KIF3A: variants seen among roughly 807,000 people sequenced by gnomAD.
The protein encoded by KIF3A is kinesin family member 3A.
Under a neutral mutation model 92.6 loss-of-function variants are expected in KIF3A, and 27 were observed. That is an observed-to-expected ratio of 0.29 (90% CI 0.21 to 0.40). KIF3A has a LOEUF of 0.40. Ranked by LOEUF, KIF3A falls within the 10% of genes least tolerant of loss-of-function variation. The pLI, the probability that KIF3A is intolerant of heterozygous loss-of-function variation, is 1.00. For synonymous variants in KIF3A, 250 were observed against 275.4 expected, an observed-to-expected ratio of 0.91 and a Z score of 0.92; for missense variants, 581 against 872.6, an observed-to-expected ratio of 0.67 and a Z score of 4.21.
chr5:132,734,213 C>G lies in KIF3A; in HGVS notation c.272G>C (p.Gly91Ala). 6.2e-7 allele frequency: 1 copy of G among 1,610,200 alleles called. No homozygotes were observed. The highest frequency in any genetic ancestry group is 8.5e-7 in the Non-Finnish European group (1 of 1,178,174). Residue 91 changes from glycine to alanine, a missense_variant, in exon 2 of 19, where the codon GGC (glycine) becomes GCC (alanine). Around this residue, in one of 5 missense-constraint regions of KIF3A, gnomAD observed 217 missense variants for 299.7 expected, o/e 0.72. Coordinates refer to ENST00000403231, the MANE Select transcript of KIF3A (RefSeq NM_001300791.2). ...AGTAAAGATTCACTTACCATTGTAGCCTTCAAGTACAGAATCAATAATAGG... is the reference window on the plus strand; with the variant it reads ...AGTAAAGATTCACTTACCATTGTAGGCTTCAAGTACAGAATCAATAATAGG... ...ARPIIDSVLEGYNGTIFAYGQ... is the reference protein window; with the variant it reads ...ARPIIDSVLEAYNGTIFAYGQ...
rs78280403 is a variant in KIF3A at position 132,708,540 on chromosome 5, T to C, written c.1300+367A>G. Reference sequence around the variant, plus strand: ...CAAATATAATTTGTACTTTTAGAAATACAAGATTTGATGTTACGTGTCCCT... The same window carrying C: ...CAAATATAATTTGTACTTTTAGAAACACAAGATTTGATGTTACGTGTCCCT... On this transcript the variant is annotated intron_variant, in intron 10 of 18. Coordinates refer to ENST00000403231, the MANE Select transcript of KIF3A (RefSeq NM_001300791.2). Among the ~76,000 whole-genome samples, 461 of 152,276 alleles carry C rather than the reference T, an allele frequency of 3.0e-3. 15 individuals are homozygous for C. In the East Asian group the frequency reaches 0.074, roughly 24 times the overall value.
chr5:132,720,723 A>G lies in KIF3A; in HGVS notation c.511-9T>C, dbSNP rs745894507. The G allele has an allele frequency of 3.3e-6, 5 of 1,497,524 alleles. No individual in the cohort carries two copies. The African/African-American group carries it at 7.0e-5, about 21-fold the overall frequency. The allele number at this position is 1,497,524 out of a possible 1,614,324, so 92.8% of individuals were successfully genotyped here. A position where few individuals can be genotyped will look rare whatever the true frequency, so the allele number is the denominator to read the frequency against. ...TCAGGTCTTTCTTTAACCTAAAAAA[A>G]AATTAAGACTTTATACTATATCAAT... On this transcript the variant is annotated splice_polypyrimidine_tract_variant and intron_variant, in intron 4 of 18. Transcript: ENST00000403231.
intron 2 of KIF3A, among the ~76,000 whole-genome samples, chr5:132,733,709 A>G (rs1754307932): frequency 6.6e-6 from 1 of 152,154 alleles, no homozygotes; most frequent in East Asian, 1.9e-4. Context: ...AGGCTGCAGT[A>G]AGCTATGACT....
At chr5:132,691,342 G>T (rs1222774684), downstream of KIF3A, among the ~76,000 whole-genome samples, 1 of 152,070 alleles carries the variant, frequency 6.6e-6, no homozygotes, top group African/African-American at 2.4e-5. Context: ...GAGGTTGGGA[G>T]TTCGAGACGA....
At position 132,695,520 on chromosome 5, in the gene KIF3A, TAAC is replaced by T. The variant is rs1268600789; in HGVS notation, c.*1111_*1113del. 1 of 152,246 alleles carries T rather than the reference TAAC, an allele frequency of 6.6e-6. No individual in the cohort carries two copies. Among genetic ancestry groups the T allele is most frequent in the East Asian group, 1.9e-4 (1 of 5,320 alleles). 9.4% of individuals were successfully genotyped at this position (152,246 alleles called of 1,614,324 possible). ...ATACAATAAAAGTTTCATAAGCAGCTAACAACAGAAAAAAATAATTATCTCTAT... is the reference window on the plus strand; with the variant it reads ...ATACAATAAAAGTTTCATAAGCAGCTAACAGAAAAAAATAATTATCTCTAT... On this transcript the variant is annotated 3_prime_UTR_variant, in exon 19 of 19. Transcript: ENST00000403231.
intron 15 of KIF3A, 129 bp downstream of exon 15, chr5:132,701,958 A>G: frequency 2.1e-6 from 2 of 969,650 alleles, no homozygotes; most frequent in South Asian, 3.6e-5. Flanking sequence ...GTGAAATGTG[A>G]TGGCATTTGT....
intron 2 of KIF3A, among the ~76,000 whole-genome samples, chr5:132,728,607 C>T (rs1248675341): frequency 6.6e-6 from 1 of 151,944 alleles, no homozygotes; most frequent in Non-Finnish European, 1.5e-5. Flanking sequence ...TGTGGTGGCA[C>T]ATGCCTGTAG....
chr5:132,717,014 G>A (rs1301448884), intron 5 of KIF3A, 30 bp from the exon 6 acceptor site: 2 of 1,600,994 alleles, frequency 1.2e-6, no homozygotes, highest in South Asian at 2.2e-5. Flanking sequence ...TCCTTTAAAA[G>A]TGTAACAGAG....
At chr5:132,700,770 T>G in intron 15 of KIF3A, 70 bp from the exon 16 acceptor site, 2 of 913,030 alleles carry the variant, frequency 2.2e-6, no homozygotes, top group Non-Finnish European at 3.5e-6. Flanking sequence ...GTCATAAAAC[T>G]AAAATCTTAA....
intron 1 of KIF3A, 57 bp downstream of exon 1, chr5:132,737,357 C>T: frequency 6.4e-7 from 1 of 1,572,386 alleles, no homozygotes; most frequent in Non-Finnish European, 8.6e-7. Flanking sequence ...CGGCCGCGCC[C>T]CCGGGCCAGG....
chr5:132,694,773 A>G lies in KIF3A; in HGVS notation c.*1861T>C, dbSNP rs1006307044. On this transcript the variant is annotated 3_prime_UTR_variant, in exon 19 of 19. Coordinates refer to ENST00000403231, the MANE Select transcript of KIF3A (RefSeq NM_001300791.2). ...ACACATATTTACCTCAACTCTTCAC[A>G]GTATCTAAACAATGCCCCACAGAGT... The G allele has an allele frequency of 1.3e-5, 2 of 152,384 alleles. No individual in the cohort carries two copies. Among genetic ancestry groups the G allele is most frequent in the African/African-American group, 2.4e-5 (1 of 41,468 alleles). 9.4% of individuals were successfully genotyped at this position (152,384 alleles called of 1,614,324 possible). A position where few individuals can be genotyped will look rare whatever the true frequency, so the allele number is the denominator to read the frequency against.
chr5:132,690,479 C>T (rs1325890910), downstream of KIF3A, among the ~76,000 whole-genome samples: 1 of 152,082 alleles, frequency 6.6e-6, no homozygotes, highest in East Asian at 1.9e-4. Context: ...TAGTAAACAA[C>T]AACATTTTCA....
In KIF3A at chr5:132,725,556, T is replaced by A. The variant is rs149010239; in HGVS notation, c.510+572A>T. Among the ~76,000 whole-genome samples the A allele has an allele frequency of 4.1e-4, 62 of 152,302 alleles. 2 individuals carry two copies. In the East Asian group the frequency reaches 0.01, roughly 25 times the overall value. ...GAACCACCTTCTTAATCCTAGATGA[T>A]ACTGCCATTCACTTGCTATATGACC... is the stretch of plus-strand genomic sequence containing the variant. On this transcript the variant is annotated intron_variant, in intron 4 of 18. Coordinates refer to ENST00000403231, the MANE Select transcript of KIF3A (RefSeq NM_001300791.2).
rs1399848962 is a variant in KIF3A at position 132,693,636 on chromosome 5, GC to G, written c.*2997del. The G allele has an allele frequency of 6.5e-6, 1 of 152,714 alleles. No homozygotes were observed. Among genetic ancestry groups the G allele is most frequent in the African/African-American group, 2.4e-5 (1 of 41,426 alleles). 9.5% of individuals were successfully genotyped at this position (152,714 alleles called of 1,614,324 possible). On this transcript the variant is annotated 3_prime_UTR_variant, in exon 19 of 19. Transcript: ENST00000403231. ...AAACTACAGAATTGCTATGACTGGA[GC>G]TAAATGAATAGCTCTGAAGTCAGTG...
chr5:132,704,778 T>G (rs999198553), intron 11 of KIF3A, among the ~76,000 whole-genome samples: 1 of 151,906 alleles, frequency 6.6e-6, no homozygotes, highest in African/African-American at 2.4e-5. Flanking sequence ...AAATTGTTAA[T>G]GTCTCCACCC....
intron 9 of KIF3A, among the ~76,000 whole-genome samples, chr5:132,709,699 G>C (rs1215385985): frequency 2.6e-5 from 4 of 152,130 alleles, no homozygotes; most frequent in Non-Finnish European, 5.9e-5. Context: ...TCAGGCAAAC[G>C]TTTTCTGCAA....
chr5:132,701,131 C>CAA (rs56411849), intron 15 of KIF3A, among the ~76,000 whole-genome samples: 1 of 142,728 alleles, frequency 7.0e-6, no homozygotes, highest in African/African-American at 2.7e-5. Flanking sequence ...ACCTGAGGTC[C>CAA]AAAAAAAAAA....
At chr5:132,707,993 CT>C (rs1753276536) in intron 10 of KIF3A, among the ~76,000 whole-genome samples, 1 of 152,146 alleles carries the variant, frequency 6.6e-6, no homozygotes, top group Non-Finnish European at 1.5e-5. Flanking sequence ...TAGAAAATCT[CT>C]TAAAATCAGC....
chr5:132,736,193 T>C (rs1265911944), intron 1 of KIF3A, among the ~76,000 whole-genome samples: 1 of 152,238 alleles, frequency 6.6e-6, no homozygotes, highest in African/African-American at 2.4e-5. Flanking sequence ...TGCAAACAGG[T>C]AGTCAAGAGG....
Sources: gnomAD v4.1 joint callset for allele counts (sites outside exome capture counted in the v4.1 genomes callset) on GRCh38, gnomAD v4.1.1 for gene constraint, gnomAD v4.1.1 regional missense constraint, MANE v1.5 for transcripts, NCBI Gene and HGNC (gene_info 2026-07-23, HGNC 2026-07-21) for gene names.